Variants in MCTP1 observed in about 807,000 individuals in gnomAD.
MCTP1 encodes multiple C2 and transmembrane domain containing 1.
A neutral mutation model predicts 120.6 loss-of-function variants in MCTP1; 69 were observed. That is an observed-to-expected ratio of 0.57 (90% confidence interval 0.47 to 0.70). MCTP1 has a LOEUF of 0.70. MCTP1 is among the 30% of genes least tolerant of loss of function. MCTP1 has a pLI of 0.00. For synonymous variants in MCTP1, 529 were observed against 493.1 expected (o/e 1.07, Z -0.96); for missense variants, 1,203 against 1,248.8 (o/e 0.96, Z 0.55).
chr5:95,216,218 G>C (rs567704681), intron 1 of MCTP1, among the ~76,000 whole-genome samples: 2 of 152,214 alleles, frequency 1.3e-5, no homozygotes, highest in South Asian at 4.1e-4. Context: ...AAACAGTCTT[G>C]ACTTTGGAAA....
intron 3 of MCTP1, among the ~76,000 whole-genome samples, chr5:94,950,126 A>G (rs1368589805): frequency 6.6e-6 from 1 of 152,122 alleles, no homozygotes; most frequent in African/African-American, 2.4e-5. Flanking sequence ...TAGAAAGTAT[A>G]TTTAATACTT....
rs555859522 is a variant in MCTP1 at position 94,833,369 on chromosome 5, C to T, written c.2437-34237G>A. 2.2e-4 allele frequency among the ~76,000 whole-genome samples: 33 copies of T among 152,014 alleles called. No individual in the cohort carries two copies. The South Asian group carries it at 4.4e-3, about 20-fold the overall frequency. On this transcript the variant is annotated intron_variant, in intron 17 of 22. Transcript: ENST00000515393. ...ACACTGTATCCTCCCTACACAACAC[C>T]GAAGTACTATAAAAATTATTTATAC... is the stretch of plus-strand genomic sequence containing the variant.
intron 1 of MCTP1, among the ~76,000 whole-genome samples, chr5:95,246,575 A>G (rs1756815229): frequency 6.6e-6 from 1 of 152,240 alleles, no homozygotes; most frequent in African/African-American, 2.4e-5. Context: ...AGGCCACTAC[A>G]TAATGGTAAA....
At chr5:94,727,516 G>C (rs1029593987) in intron 19 of MCTP1, among the ~76,000 whole-genome samples, 1 of 152,114 alleles carries the variant, frequency 6.6e-6, no homozygotes, top group Non-Finnish European at 1.5e-5. Context: ...GGAAATAATC[G>C]CCATTTAAAT....
chr5:94,760,556 G>C (rs1771083736), intron 19 of MCTP1, among the ~76,000 whole-genome samples: 1 of 152,160 alleles, frequency 6.6e-6, no homozygotes, highest in African/African-American at 2.4e-5. Flanking sequence ...CAAAGAAATA[G>C]CATTTATGCA....
intron 1 of MCTP1, among the ~76,000 whole-genome samples, chr5:95,039,507 A>T (rs2151873520): frequency 6.6e-6 from 1 of 152,306 alleles, no homozygotes. Flanking sequence ...AAGGCCAACA[A>T]ATCAAAAATA....
chr5:94,997,001 C>T (rs1209559897), intron 2 of MCTP1, among the ~76,000 whole-genome samples: 1 of 152,106 alleles, frequency 6.6e-6, no homozygotes, highest in Admixed American at 6.6e-5. Flanking sequence ...GATGGACTAT[C>T]TATGGCTAAG....
chr5:95,192,229 A>C (rs887035415), intron 1 of MCTP1, among the ~76,000 whole-genome samples: 2 of 152,034 alleles, frequency 1.3e-5, no homozygotes, highest in African/African-American at 4.8e-5. Flanking sequence ...AGTTTTTTCC[A>C]ACATGTGGTG....
At chr5:94,966,787 T>C (rs1219808450) in intron 2 of MCTP1, among the ~76,000 whole-genome samples, 1 of 150,950 alleles carries the variant, frequency 6.6e-6, no homozygotes, top group Non-Finnish European at 1.5e-5. Context: ...AAAGCGAGAC[T>C]CTGTCTCGAA....
chr5:94,921,248 T>C (rs763901457), intron 7 of MCTP1, among the ~76,000 whole-genome samples: 1 of 152,240 alleles, frequency 6.6e-6, no homozygotes, highest in Non-Finnish European at 1.5e-5. Context: ...CATGGCTTAA[T>C]ATTTTTTATC....
intron 4 of MCTP1, among the ~76,000 whole-genome samples, chr5:94,941,379 C>T (rs1437259174): frequency 6.6e-6 from 1 of 152,034 alleles, no homozygotes; most frequent in Non-Finnish European, 1.5e-5. Flanking sequence ...GGAAAGGCTG[C>T]TCTTTTGTCC....
chr5:94,914,781 A>G (rs1809643819), intron 8 of MCTP1, among the ~76,000 whole-genome samples: 1 of 152,198 alleles, frequency 6.6e-6, no homozygotes, highest in African/African-American at 2.4e-5. Context: ...GGATTTCCAC[A>G]TTGGATTTTG....
chr5:95,257,542 TCA>T (rs930371541), intron 1 of MCTP1, among the ~76,000 whole-genome samples: 21 of 152,242 alleles, frequency 1.4e-4, no homozygotes, highest in Admixed American at 7.9e-4. Flanking sequence ...ACAATTCATA[TCA>T]CAGTTTGTCC....
At chr5:94,864,989 G>A (rs141624051) in intron 17 of MCTP1, among the ~76,000 whole-genome samples, 137 of 151,992 alleles carry the variant, frequency 9.0e-4, no homozygotes, top group Non-Finnish European at 1.6e-3. Flanking sequence ...TCCCCAAGAC[G>A]AGCAGTGCCT....
intron 1 of MCTP1, among the ~76,000 whole-genome samples, chr5:95,080,000 C>T (rs755815958): frequency 1.3e-5 from 2 of 152,052 alleles, no homozygotes; most frequent in African/African-American, 4.8e-5. Context: ...TATAAAATAG[C>T]AGATCAATTC....
chr5:95,190,756 A>G (rs1340116041), intron 1 of MCTP1, among the ~76,000 whole-genome samples: 1 of 152,158 alleles, frequency 6.6e-6, no homozygotes, highest in Non-Finnish European at 1.5e-5. Context: ...CACACATTAT[A>G]TAAGTGCTAT....
At chr5:94,753,988 A>G (rs1769134674) in intron 19 of MCTP1, among the ~76,000 whole-genome samples, 1 of 152,194 alleles carries the variant, frequency 6.6e-6, no homozygotes, top group Non-Finnish European at 1.5e-5. Flanking sequence ...GGGAAAGAGA[A>G]GGAAAGGAAG....
At chr5:94,729,769 C>T (rs1329274225) in intron 19 of MCTP1, among the ~76,000 whole-genome samples, 2 of 152,120 alleles carry the variant, frequency 1.3e-5, no homozygotes, top group African/African-American at 2.4e-5. Flanking sequence ...AGAGGGAGCA[C>T]AGGATGACAG....
Position 94,832,468 on chromosome 5 carries a change from C to T in MCTP1, c.2437-33336G>A, listed in dbSNP as rs555734922. Among the ~76,000 whole-genome samples, 26 of 152,246 alleles carry T rather than the reference C, an allele frequency of 1.7e-4. No individual in the cohort carries two copies. In the East Asian group the frequency reaches 1.7e-3, roughly 10 times the overall value. On this transcript the variant is annotated intron_variant, in intron 17 of 22. Transcript: ENST00000515393. ...ATATGTCTGTGATTTCTTTGATCGA[C>T]GATGTGAACATTTATATCTCCCTCT...
Sources: allele counts gnomAD v4.1 joint callset (sites outside exome capture counted in the v4.1 genomes callset), GRCh38; gene constraint gnomAD v4.1.1; transcripts MANE v1.5; gene names NCBI Gene and HGNC (gene_info 2026-07-23, HGNC 2026-07-21).